The following KCNS3 variants were observed in gnomAD, a reference collection of about 807,000 sequenced individuals.
The protein encoded by KCNS3 is delayed-rectifier potassium channel regulatory subunit KCNS3.
Under a neutral mutation model 31.0 loss-of-function variants are expected in KCNS3, and 13 were observed. The observed-to-expected ratio is 0.42, with a 90% CI of 0.27 to 0.67. KCNS3 has a LOEUF of 0.67. Among genes scored for constraint, KCNS3 ranks in the 30% least tolerant of loss-of-function variants. The pLI, the probability that KCNS3 is intolerant of heterozygous loss-of-function variation, is 0.25. For missense variants in KCNS3, 545 were observed against 622.4 expected (o/e 0.88, Z 1.32); for synonymous variants, 238 against 241.5 (o/e 0.99, Z 0.13).
chr2:17,904,332 G>T (rs559967646), intron 1 of KCNS3, among the ~76,000 whole-genome samples: 8,175 of 151,324 alleles, frequency 0.054, 604 homozygotes, highest in African/African-American at 0.17. Flanking sequence ...TAAATTTGTT[G>T]GAGTTCTTTG....
chr2:17,880,771 C>G (rs1476576294), intron 1 of KCNS3, among the ~76,000 whole-genome samples: 5 of 152,162 alleles, frequency 3.3e-5, no homozygotes, highest in Non-Finnish European at 7.3e-5. Flanking sequence ...AAAGCACCAA[C>G]TGAGTATCAT....
At chr2:17,901,705 A>G (rs920279089) in intron 1 of KCNS3, among the ~76,000 whole-genome samples, 3 of 152,032 alleles carry the variant, frequency 2.0e-5, no homozygotes, top group African/African-American at 7.2e-5. Flanking sequence ...AGATGACACA[A>G]AGCTGGAGGC....
intron 1 of KCNS3, among the ~76,000 whole-genome samples, chr2:17,896,764 A>T (rs564126065): frequency 6.6e-6 from 1 of 152,216 alleles, no homozygotes; most frequent in Non-Finnish European, 1.5e-5. Context: ...GGGCTCAGCC[A>T]GTCTGATACT....
chr2:17,887,484 G>GTTCT (rs1553341247), intron 1 of KCNS3, among the ~76,000 whole-genome samples: 2 of 146,242 alleles, frequency 1.4e-5, no homozygotes, highest in Non-Finnish European at 3.0e-5. Context: ...TCTATCATAT[G>GTTCT]ATCTATCTAT....
At chr2:17,886,806 C>T (rs1424875751) in intron 1 of KCNS3, among the ~76,000 whole-genome samples, 2 of 151,734 alleles carry the variant, frequency 1.3e-5, no homozygotes, top group Non-Finnish European at 2.9e-5. Context: ...CCACCTTTGC[C>T]ACAGTGTAAA....
chr2:17,914,927 G>A (rs1232783787), intron 1 of KCNS3, among the ~76,000 whole-genome samples: 1 of 152,208 alleles, frequency 6.6e-6, no homozygotes, highest in Non-Finnish European at 1.5e-5. Flanking sequence ...GGAGAATGGT[G>A]CAGGGAGTCA....
rs764090269 is a variant in KCNS3 at position 17,931,886 on chromosome 2, G to A, written c.878G>A (p.Arg293Gln). The change falls in exon 3 of 3, where the codon CGG (arginine) becomes CAG (glutamine). Residue 293 changes from arginine (R) to glutamine (Q), a missense_variant. Physicochemically the swap from Arg to Gln is conservative, Grantham distance 43. Transcript: ENST00000304101. This position sits in a 1 kb window ranked among gnomAD's most constrained non-coding sequence, Gnocchi z 5.4. ...ATGGGCAAGGTGGTCCAGATCCTAC[G>A]GCTTATGAGGATTTTCCGAATTCTA... is the stretch of plus-strand genomic sequence containing the variant. ...ENMGKVVQILRLMRIFRILKL... is the reference protein window; with the variant it reads ...ENMGKVVQILQLMRIFRILKL... 3.7e-6 allele frequency: 6 copies of A among 1,613,992 alleles called. No individual in the cohort carries two copies. Among genetic ancestry groups the A allele is most frequent in the Non-Finnish European group, 4.2e-6 (5 of 1,180,020 alleles).
rs55654719 is a variant in KCNS3 at position 17,887,484 on chromosome 2, GATCTATCTATCT to G, written c.-252+8715_-252+8726del. On this transcript the variant is annotated intron_variant, in intron 1 of 2. Transcript: ENST00000304101. Reference sequence around the variant, plus strand: ...ATGGCTGCGTTGTATTCTATCATATGATCTATCTATCTATCTATCTATCTATCTATCTATCTA... The same window carrying G: ...ATGGCTGCGTTGTATTCTATCATATGATCTATCTATCTATCTATCTATCTA... Among the ~76,000 whole-genome samples the G allele has an allele frequency of 8.7e-3, 1,272 of 146,352 alleles. 11 individuals are homozygous for G. The highest frequency in any genetic ancestry group is 0.012 in the South Asian group (55 of 4,492).
rs952440137 is a variant in KCNS3, at chr2:17,932,229, C to G, written c.1221C>G (p.Asn407Lys). Residue 407 changes from asparagine to lysine, a missense_variant, in exon 3 of 3, where the codon AAC (asparagine) becomes AAG (lysine). By Grantham distance (94) the Asn-to-Lys change is moderately conservative (BLOSUM62 0). Transcript: ENST00000304101. ...VVALPITIIF[N>K]KFSKYYQKQK... ...CCCTTCCCATCACCATCATCTTCAA[C>G]AAGTTTTCCAAGTACTACCAGAAGC... 9 of 1,613,914 alleles carry G rather than the reference C, an allele frequency of 5.6e-6. No individual in the cohort carries two copies. In the South Asian group the frequency reaches 8.8e-5, roughly 16 times the overall value.
At position 17,932,028 on chromosome 2, in the gene KCNS3, G is replaced by A. The variant is rs1663005328; in HGVS notation, c.1020G>A (p.Val340=). The change falls in exon 3 of 3, where the codon GTG becomes GTA. Residue 340 remains valine, a synonymous_variant. Coordinates refer to ENST00000304101, the MANE Select transcript of KCNS3 (RefSeq NM_002252.5). ...CTGTGGGCATTTCCATTTTCTCTGT[G>A]CTTATCTACTCCGTGGAGAAAGATG... ...FLSVGISIFS[V]LIYSVEKDDH... 3.7e-6 allele frequency: 6 copies of A among 1,614,060 alleles called. No homozygotes were observed. The East Asian group carries it at 1.1e-4, about 30-fold the overall frequency.
intron 1 of KCNS3, among the ~76,000 whole-genome samples, chr2:17,911,324 A>C (rs1484152431): frequency 6.6e-6 from 1 of 152,220 alleles, no homozygotes; most frequent in Admixed American, 6.5e-5. Flanking sequence ...GTCATAAAGC[A>C]GCCATGAATG....
In KCNS3 at chr2:17,900,334, G is replaced by A. The variant is rs147535957; in HGVS notation, c.-251-17346G>A. Reference sequence around the variant, plus strand: ...AGGTACTGGTAGGTGGGATGCAGTGGAAGGGAGCCTGGTTTTGAGGTAGGG... The same window carrying A: ...AGGTACTGGTAGGTGGGATGCAGTGAAAGGGAGCCTGGTTTTGAGGTAGGG... On this transcript the variant is annotated intron_variant, in intron 1 of 2. Coordinates refer to ENST00000304101, the MANE Select transcript of KCNS3 (RefSeq NM_002252.5). Among the ~76,000 whole-genome samples the A allele has an allele frequency of 3.8e-3, 585 of 152,272 alleles. 3 individuals are homozygous for A. The highest frequency in any genetic ancestry group is 0.014 in the Middle Eastern group (4 of 294).
At chr2:17,897,182 A>C (rs948544046) in intron 1 of KCNS3, among the ~76,000 whole-genome samples, 13 of 152,178 alleles carry the variant, frequency 8.5e-5, no homozygotes, top group African/African-American at 2.9e-4. Context: ...CTCTTAGGAT[A>C]ATGGCCTTTA....
At chr2:17,907,185 G>C (rs1483710862) in intron 1 of KCNS3, among the ~76,000 whole-genome samples, 1 of 152,218 alleles carries the variant, frequency 6.6e-6, no homozygotes, top group Non-Finnish European at 1.5e-5. Flanking sequence ...AGCTCTTCTT[G>C]TTGAATTGAT....
chr2:17,898,956 G>A (rs1337493818), intron 1 of KCNS3, among the ~76,000 whole-genome samples: 1 of 152,150 alleles, frequency 6.6e-6, no homozygotes, highest in Non-Finnish European at 1.5e-5. Context: ...GACTGGGTGC[G>A]GTGGCTGAGG....
chr2:17,922,988 G>C (rs994845258), intron 2 of KCNS3, among the ~76,000 whole-genome samples: 10 of 152,106 alleles, frequency 6.6e-5, no homozygotes, highest in African/African-American at 2.4e-4. Context: ...GGGTCATATG[G>C]TAAACCTGTT....
chr2:17,888,674 A>ATATATAT (rs1488805564), intron 1 of KCNS3, among the ~76,000 whole-genome samples: 2 of 82,756 alleles, frequency 2.4e-5, no homozygotes, highest in Non-Finnish European at 4.9e-5. Flanking sequence ...TATATATATA[A>ATATATAT]AGAAAAGGGT....
intron 1 of KCNS3, among the ~76,000 whole-genome samples, chr2:17,900,995 C>G (rs1316952451): frequency 6.6e-6 from 1 of 152,046 alleles, no homozygotes; most frequent in Non-Finnish European, 1.5e-5. Context: ...AGTATCCATG[C>G]TTTATAAATA....
chr2:17,887,193 G>A (rs945007442), intron 1 of KCNS3, among the ~76,000 whole-genome samples: 1 of 151,876 alleles, frequency 6.6e-6, no homozygotes. Context: ...GTGGTGATTC[G>A]TGAGATTTTG....
Sources: allele counts gnomAD v4.1 joint callset (sites outside exome capture counted in the v4.1 genomes callset), GRCh38; gene constraint gnomAD v4.1.1; non-coding constraint Gnocchi (gnomAD v3.1); transcripts MANE v1.5; gene names NCBI Gene and HGNC (gene_info 2026-07-23, HGNC 2026-07-21).